The following CRTAC1 variants were observed in gnomAD, a reference collection of about 807,000 sequenced individuals.
CRTAC1 encodes acidic secreted protein in cartilage.
A neutral mutation model predicts 67.8 loss-of-function variants in CRTAC1; 37 were observed. The ratio of observed to expected loss-of-function variants is 0.55; its 90% CI spans 0.42 to 0.72. CRTAC1 has a LOEUF of 0.72. CRTAC1 is among the 30% of genes least tolerant of loss of function. The pLI, the probability that CRTAC1 is intolerant of heterozygous loss-of-function variation, is 0.00. For missense variants in CRTAC1, 780 were observed against 931.6 expected, an observed-to-expected ratio of 0.84 and a Z score of 2.12; for synonymous variants, 348 against 371.0, an observed-to-expected ratio of 0.94 and a Z score of 0.71.
At chr10:97,961,307 T>C (rs2051521877) in intron 2 of CRTAC1, among the ~76,000 whole-genome samples, 1 of 152,156 alleles carries the variant, frequency 6.6e-6, no homozygotes, top group Non-Finnish European at 1.5e-5. Context: ...CTATCCTTTT[T>C]CTCATCTTTT....
chr10:97,876,426 G>A (rs371949434), intron 14 of CRTAC1, among the ~76,000 whole-genome samples: 19 of 152,230 alleles, frequency 1.2e-4, no homozygotes, highest in African/African-American at 4.1e-4. Context: ...ATGTGCCTGT[G>A]AAGAGGGAGT....
chr10:97,922,657 C>A (rs531626478), intron 4 of CRTAC1, among the ~76,000 whole-genome samples: 2 of 152,342 alleles, frequency 1.3e-5, no homozygotes, highest in East Asian at 3.9e-4. Flanking sequence ...CATGCCCCTT[C>A]CCACTCCGTC....
At chr10:97,893,218 A>G (rs892314879) in intron 11 of CRTAC1, among the ~76,000 whole-genome samples, 1 of 152,236 alleles carries the variant, frequency 6.6e-6, no homozygotes, top group African/African-American at 2.4e-5. Context: ...CCACTCTGAC[A>G]GAATCACTGT....
chr10:98,010,165 G>A (rs1328576123), intron 2 of CRTAC1, among the ~76,000 whole-genome samples: 1 of 151,894 alleles, frequency 6.6e-6, no homozygotes, highest in Non-Finnish European at 1.5e-5. Flanking sequence ...TCAGCCACCT[G>A]AGTAGCTGGG....
Position 97,913,114 on chromosome 10 carries a change from C to CAGAGAG in CRTAC1, c.715+4380_715+4385dup, listed in dbSNP as rs71488844. ...TGGAAACGTGGTGCAGGAATGGGCA[C>CAGAGAG]AGAGAGAGAGAGAGAGAGAGAGTGT... On this transcript the variant is annotated intron_variant, in intron 5 of 14. Transcript: ENST00000370597. 7.8e-3 allele frequency among the ~76,000 whole-genome samples: 1,164 copies of CAGAGAG among 149,358 alleles called. 14 individuals carry two copies. Among genetic ancestry groups the CAGAGAG allele is most frequent in the South Asian group, 0.023 (107 of 4,650 alleles).
chr10:98,010,532 T>C (rs930546628), intron 2 of CRTAC1, among the ~76,000 whole-genome samples: 1 of 152,236 alleles, frequency 6.6e-6, no homozygotes, highest in Non-Finnish European at 1.5e-5. Flanking sequence ...GGGCATGAAC[T>C]CAGGCTATTT....
intron 5 of CRTAC1, among the ~76,000 whole-genome samples, chr10:97,914,457 C>T (rs1447835713): frequency 1.3e-5 from 2 of 152,224 alleles, no homozygotes; most frequent in Non-Finnish European, 2.9e-5. Flanking sequence ...TTCGTTCTCA[C>T]AACACTCTCA....
intron 2 of CRTAC1, among the ~76,000 whole-genome samples, chr10:97,944,161 C>T (rs1001504071): frequency 7.9e-5 from 12 of 152,186 alleles, no homozygotes; most frequent in African/African-American, 2.9e-4. Flanking sequence ...GGTGCAGTGC[C>T]TCATGCCTGT....
At chr10:97,872,452 TC>T (rs1389985962) in intron 14 of CRTAC1, among the ~76,000 whole-genome samples, 3 of 152,054 alleles carry the variant, frequency 2.0e-5, no homozygotes, top group Non-Finnish European at 2.9e-5. Context: ...CCTCTACCTA[TC>T]CTGGGAGAGG....
At chr10:98,011,951 A>G (rs1205394853) in intron 1 of CRTAC1, among the ~76,000 whole-genome samples, 1 of 152,150 alleles carries the variant, frequency 6.6e-6, no homozygotes, top group African/African-American at 2.4e-5. Context: ...AATAGATGCA[A>G]TGAAAGACTG....
intron 2 of CRTAC1, among the ~76,000 whole-genome samples, chr10:97,948,442 G>T (rs948937649): frequency 6.6e-6 from 1 of 152,178 alleles, no homozygotes; most frequent in African/African-American, 2.4e-5. Flanking sequence ...GACAAAAAGT[G>T]CTCTGAAAGT....
intron 4 of CRTAC1, among the ~76,000 whole-genome samples, chr10:97,917,917 C>T (rs1079360): frequency 0.77 from 117,589 of 152,076 alleles, 45,754 homozygotes; most frequent in East Asian, 0.92. Context: ...GAAGAACACA[C>T]CCCTCCCTCT....
At chr10:97,930,934 A>G (rs921878806) in intron 3 of CRTAC1, among the ~76,000 whole-genome samples, 1 of 117,152 alleles carries the variant, frequency 8.5e-6, no homozygotes. Context: ...AAAAAAAAAA[A>G]TGACAAACAA....
At chr10:97,902,439 G>A (rs1307877723) in intron 7 of CRTAC1, among the ~76,000 whole-genome samples, 1 of 152,160 alleles carries the variant, frequency 6.6e-6, no homozygotes, top group East Asian at 1.9e-4. Flanking sequence ...TGAGGGGGTT[G>A]CGGTATCAGC....
At chr10:97,930,536 TG>T (rs1399275549) in intron 3 of CRTAC1, among the ~76,000 whole-genome samples, 1 of 152,222 alleles carries the variant, frequency 6.6e-6, no homozygotes, top group Non-Finnish European at 1.5e-5. Flanking sequence ...AGGTCTGGTG[TG>T]GGGCCTAACA....
At chr10:97,910,097 G>A (rs925874923) in intron 5 of CRTAC1, among the ~76,000 whole-genome samples, 3 of 152,240 alleles carry the variant, frequency 2.0e-5, no homozygotes, top group Non-Finnish European at 4.4e-5. Context: ...CAACACTTCA[G>A]TTTAACGGGA....
intron 2 of CRTAC1, among the ~76,000 whole-genome samples, chr10:98,005,343 G>T (rs1018480830): frequency 2.7e-5 from 4 of 150,794 alleles, no homozygotes; most frequent in Admixed American, 2.0e-4. Context: ...GACCTCAGGT[G>T]ATCCACCTGC....
At chr10:97,934,829 A>C (rs951599518) in intron 3 of CRTAC1, among the ~76,000 whole-genome samples, 7 of 151,874 alleles carry the variant, frequency 4.6e-5, no homozygotes, top group African/African-American at 1.7e-4. Context: ...AGGGCCCTAC[A>C]TCCCTCACAG....
intron 2 of CRTAC1, among the ~76,000 whole-genome samples, chr10:97,959,817 C>G (rs115755603): frequency 1.3e-5 from 2 of 152,196 alleles, no homozygotes; most frequent in Admixed American, 6.5e-5. Context: ...GAACCAGGTG[C>G]CTTCCCTATT....
Sources: allele counts gnomAD v4.1 joint callset (sites outside exome capture counted in the v4.1 genomes callset), GRCh38; gene constraint gnomAD v4.1.1; transcripts MANE v1.5; gene names NCBI Gene and HGNC (gene_info 2026-07-23, HGNC 2026-07-21).